Variants in HFM1 observed in about 807,000 individuals in gnomAD.
HFM1 encodes the protein probable ATP-dependent DNA helicase HFM1.
A neutral mutation model predicts 192.1 loss-of-function variants in HFM1; 169 were observed. The ratio of observed to expected loss-of-function variants is 0.88; its 90% CI spans 0.78 to 1.00. HFM1 has a LOEUF of 1.00. Among genes scored for constraint, HFM1 ranks in the 50% least tolerant of loss-of-function variants. The probability of loss-of-function intolerance (pLI) is 0.00; values close to 1 mark genes in which losing one functional copy is unlikely to be tolerated. For missense variants in HFM1, 1,661 were observed against 1,668.0 expected (o/e 1.00, Z 0.07); for synonymous variants, 525 against 537.8 (o/e 0.98, Z 0.33).
rs981349947 is a variant in HFM1 at position 91,297,263 on chromosome 1, G to A, written c.3391+16086C>T. Among the ~76,000 whole-genome samples the A allele has an allele frequency of 3.3e-5, 5 of 152,312 alleles. No individual in the cohort carries two copies. In the South Asian group the frequency reaches 8.3e-4, roughly 25 times the overall value. ...CGGGGGAGGGGCACCCGCCATTGCC[G>A]ACGCTTGAGTAGGTAAACAAAGCAG... On this transcript the variant is annotated intron_variant, in intron 30 of 38. Transcript: ENST00000370425.
At chr1:91,369,689 G>T (rs1166641275) in intron 13 of HFM1, among the ~76,000 whole-genome samples, 1 of 152,132 alleles carries the variant, frequency 6.6e-6, no homozygotes, top group Non-Finnish European at 1.5e-5. Flanking sequence ...AACTAGGGAA[G>T]CAAGAGCAAA....
At position 91,305,971 on chromosome 1, in the gene HFM1, T is replaced by C. The variant is rs146151848; in HGVS notation, c.3391+7378A>G. Among the ~76,000 whole-genome samples, 11 of 152,246 alleles carry C rather than the reference T, an allele frequency of 7.2e-5. No homozygotes were observed. In the East Asian group the frequency reaches 1.7e-3, roughly 24 times the overall value. Reference sequence around the variant, plus strand: ...ATTCTTGTAACATTCTCCAACTCAATAGGAAAGTGTTTAATATTTTACTAT... The same window carrying C: ...ATTCTTGTAACATTCTCCAACTCAACAGGAAAGTGTTTAATATTTTACTAT... On this transcript the variant is annotated intron_variant, in intron 30 of 38. Coordinates refer to ENST00000370425, the MANE Select transcript of HFM1 (RefSeq NM_001017975.6).
intron 21 of HFM1, among the ~76,000 whole-genome samples, chr1:91,324,383 C>T (rs1475675807): frequency 6.6e-6 from 1 of 152,166 alleles, no homozygotes; most frequent in African/African-American, 2.4e-5. Flanking sequence ...GTAGCCACTA[C>T]CAAGGTAATT....
chr1:91,301,109 G>A (rs12727920), intron 30 of HFM1, among the ~76,000 whole-genome samples: 13 of 152,046 alleles, frequency 8.6e-5, no homozygotes, highest in Non-Finnish European at 1.5e-4. Context: ...AAATCAATGT[G>A]CAAAAATCAC....
rs201894017 is a variant in HFM1 at position 91,319,211 on chromosome 1, T to TA, written c.2681-3dup. On this transcript the variant is annotated splice_region_variant and splice_polypyrimidine_tract_variant and intron_variant, in intron 24 of 38. Coordinates refer to ENST00000370425, the MANE Select transcript of HFM1 (RefSeq NM_001017975.6). ...GAGCAGCTACAAAATCTGACAACCCTAAAAAAAAAGTTTCCAGTATTAAAT... is the reference window on the plus strand; with the variant it reads ...GAGCAGCTACAAAATCTGACAACCCTAAAAAAAAAAGTTTCCAGTATTAAAT... 2.5e-4 allele frequency: 403 copies of TA among 1,580,762 alleles called. 1 individual carries two copies. The African/African-American group carries it at 3.1e-3, about 12-fold the overall frequency.
intron 28 of HFM1, among the ~76,000 whole-genome samples, chr1:91,314,990 A>G (rs1286980887): frequency 6.6e-6 from 1 of 152,174 alleles, no homozygotes; most frequent in Non-Finnish European, 1.5e-5. Flanking sequence ...GGAGATTCCC[A>G]TTTCAGAATC....
intron 13 of HFM1, among the ~76,000 whole-genome samples, chr1:91,368,261 T>C (rs1265583926): frequency 1.3e-5 from 2 of 152,076 alleles, no homozygotes; most frequent in African/African-American, 4.8e-5. Context: ...ACAAAGATAC[T>C]CCTCAAGAAG....
chr1:91,323,094 T>C lies in HFM1; in HGVS notation c.2533A>G (p.Arg845Gly). The change falls in exon 22 of 39, where the codon AGA becomes GGA. Residue 845 changes from arginine (R) to glycine (G), a missense_variant and splice_region_variant. Transcript: ENST00000370425. The stretch of plus-strand genomic sequence containing the variant: ...TTAAAACATATGTAATTTCTGTACC[T>C]GATAGTTATCCGATTTGGATCTTTG... Reference protein sequence around the residue: ...LNKDPNRITIRFPMEGRIKTR... With the variant: ...LNKDPNRITIGFPMEGRIKTR... 6.6e-7 allele frequency: 1 copy of C among 1,508,444 alleles called. No individual in the cohort carries two copies. The highest frequency in any genetic ancestry group is 9.1e-7 in the Non-Finnish European group (1 of 1,095,184). The allele number at this position is 1,508,444 out of a possible 1,614,324, so 93.4% of individuals were successfully genotyped here.
intron 30 of HFM1, among the ~76,000 whole-genome samples, chr1:91,301,012 A>G (rs1215561552): frequency 6.6e-6 from 1 of 151,888 alleles, no homozygotes; most frequent in Non-Finnish European, 1.5e-5. Context: ...TTTGCAGATG[A>G]CATGATTGTA....
chr1:91,400,458 T>C (rs534976026), intron 2 of HFM1, among the ~76,000 whole-genome samples: 1 of 151,218 alleles, frequency 6.6e-6, no homozygotes, highest in African/African-American at 2.4e-5. Context: ...TACAAATAAA[T>C]GCAAGCCAAA....
At chr1:91,278,161 T>C (rs1667123776) in intron 30 of HFM1, among the ~76,000 whole-genome samples, 1 of 151,454 alleles carries the variant, frequency 6.6e-6, no homozygotes, top group South Asian at 2.1e-4. Context: ...GTAAACAAGA[T>C]GTAATACATA....
intron 30 of HFM1, among the ~76,000 whole-genome samples, chr1:91,282,490 A>G (rs898579873): frequency 3.2e-4 from 48 of 151,982 alleles, no homozygotes; most frequent in African/African-American, 1.1e-3. Context: ...CACACATTCT[A>G]CATTTTCCTA....
chr1:91,377,129 C>G (rs1315898367), intron 11 of HFM1, among the ~76,000 whole-genome samples: 1 of 151,708 alleles, frequency 6.6e-6, no homozygotes, highest in Non-Finnish European at 1.5e-5. Flanking sequence ...ATGATTCCTA[C>G]ATGCTTACAA....
intron 4 of HFM1, among the ~76,000 whole-genome samples, chr1:91,387,931 TAA>T (rs368930286): frequency 0.12 from 13,694 of 112,974 alleles, 712 homozygotes; most frequent in East Asian, 0.19. Context: ...AAAAAAAAAT[TAA>T]AAAAAAAAAA....
At chr1:91,355,593 A>G (rs1657615502) in intron 13 of HFM1, among the ~76,000 whole-genome samples, 1 of 152,188 alleles carries the variant, frequency 6.6e-6, no homozygotes, top group African/African-American at 2.4e-5. Context: ...AAATGACTTT[A>G]AGTCAAAAAC....
At position 91,352,622 on chromosome 1, in the gene HFM1, T is replaced by G; in HGVS notation, c.1861A>C (p.Asn621His). The G allele has an allele frequency of 6.2e-7, 1 of 1,608,668 alleles. No homozygotes were observed. The highest frequency in any genetic ancestry group is 8.5e-7 in the Non-Finnish European group (1 of 1,177,138). ...FTTSTLAMGVNLPAHLVVIKS... is the reference protein window; with the variant it reads ...FTTSTLAMGVHLPAHLVVIKS... ...ATAACTACTAGGTGAGCAGGCAAAT[T>G]TACTCCCATAGCTAAAGTACTGGTA... The change falls in exon 16 of 39, where the codon AAT becomes CAT. Residue 621 changes from asparagine to histidine, a missense_variant. Physicochemically the swap from Asn to His is moderately conservative, Grantham distance 68. Coordinates refer to ENST00000370425, the MANE Select transcript of HFM1 (RefSeq NM_001017975.6).
intron 30 of HFM1, among the ~76,000 whole-genome samples, chr1:91,312,120 G>A (rs1319090712): frequency 6.6e-6 from 1 of 152,184 alleles, no homozygotes; most frequent in Non-Finnish European, 1.5e-5. Flanking sequence ...TGCTGCAGGA[G>A]CAAAGCCCTC....
Position 91,353,172 on chromosome 1 carries a change from GC to G in HFM1, c.1730-21del. The G allele has an allele frequency of 6.4e-7, 1 of 1,560,478 alleles. No individual in the cohort carries two copies. On this transcript the variant is annotated intron_variant, in intron 14 of 38. Coordinates refer to ENST00000370425, the MANE Select transcript of HFM1 (RefSeq NM_001017975.6). ...AGATATCTGTAATAGAAATATATCA[GC>G]TGTTACTATTAATATTTCATCAATA...
chr1:91,274,737 T>A lies in HFM1; in HGVS notation c.3661A>T (p.Ile1221Leu). 6.7e-7 allele frequency: 1 copy of A among 1,487,174 alleles called. No individual in the cohort carries two copies. 92.1% of individuals were successfully genotyped at this position (1,487,174 alleles called of 1,614,324 possible). A position where few individuals can be genotyped will look rare whatever the true frequency, so the allele number is the denominator to read the frequency against. Residue 1221 changes from isoleucine (I) to leucine (L), a missense_variant, in exon 33 of 39, where the codon ATA (isoleucine) becomes TTA (leucine). Transcript: ENST00000370425. Reference sequence around the variant, plus strand: ...TTAACATTATATTTGTACCTTGATATACTAGGAAGGGAAGGTTTTGGAGTA... The same window carrying A: ...TTAACATTATATTTGTACCTTGATAAACTAGGAAGGGAAGGTTTTGGAGTA... ...GFTPKPSLPS[I>L]SRSEYLNISE...
Sources: allele counts gnomAD v4.1 joint callset (sites outside exome capture counted in the v4.1 genomes callset), GRCh38; gene constraint gnomAD v4.1.1; transcripts MANE v1.5; gene names NCBI Gene and HGNC (gene_info 2026-07-23, HGNC 2026-07-21).